CHRM3: variants seen among roughly 807,000 people sequenced by gnomAD.
CHRM3 encodes the protein cholinergic receptor muscarinic 3, also known as muscarinic acetylcholine receptor M3.
A neutral mutation model predicts 41.8 loss-of-function variants in CHRM3; 11 were observed. The observed-to-expected ratio is 0.26, with a 90% CI of 0.17 to 0.44. The LOEUF (loss-of-function observed/expected upper bound fraction) is 0.44, where lower values mean the gene tolerates loss of function less well. Ranked by LOEUF, CHRM3 falls within the 20% of genes least tolerant of loss-of-function variation. The pLI is 1.00. For synonymous variants in CHRM3, 297 were observed against 301.4 expected (o/e 0.99, Z 0.15); for missense variants, 571 against 745.4 (o/e 0.77, Z 2.72).
chr1:239,474,214 A>T (rs1263942385), intron 1 of CHRM3, among the ~76,000 whole-genome samples: 2 of 152,094 alleles, frequency 1.3e-5, no homozygotes, highest in East Asian at 3.8e-4. Flanking sequence ...AAAAGCATTT[A>T]AAAAAATAAC....
chr1:239,644,990 T>G (rs912033912), intron 4 of CHRM3, among the ~76,000 whole-genome samples: 3 of 152,100 alleles, frequency 2.0e-5, no homozygotes, highest in Admixed American at 6.5e-5. Flanking sequence ...AACACCATGC[T>G]CCCTGGTGTT....
At chr1:239,903,328 CCA>C (rs1057272490) in intron 6 of CHRM3, among the ~76,000 whole-genome samples, 6 of 152,126 alleles carry the variant, frequency 3.9e-5, no homozygotes, top group African/African-American at 1.4e-4. Context: ...ATGTGATTAT[CCA>C]CAGAGAGTAA....
At chr1:239,401,252 A>G (rs962319719) in intron 1 of CHRM3, among the ~76,000 whole-genome samples, 1 of 152,128 alleles carries the variant, frequency 6.6e-6, no homozygotes, top group African/African-American at 2.4e-5. Context: ...GCCTGTGGCC[A>G]TTCTCCAGCT....
chr1:239,661,895 CTG>C (rs574280636), intron 4 of CHRM3, among the ~76,000 whole-genome samples: 10 of 151,870 alleles, frequency 6.6e-5, no homozygotes, highest in Non-Finnish European at 1.3e-4. Context: ...ACAAAGGAAA[CTG>C]TGTGTGAGAA....
chr1:239,668,470 G>A (rs1216596035), intron 4 of CHRM3, among the ~76,000 whole-genome samples: 1 of 152,034 alleles, frequency 6.6e-6, no homozygotes. Flanking sequence ...ATTGCTTCCA[G>A]ATACCTTTTA....
intron 1 of CHRM3, among the ~76,000 whole-genome samples, chr1:239,428,675 C>G (rs1030666303): frequency 3.3e-5 from 5 of 152,086 alleles, no homozygotes; most frequent in African/African-American, 1.2e-4. Flanking sequence ...AAAATATTTT[C>G]CCTGTTTTAG....
intron 1 of CHRM3, among the ~76,000 whole-genome samples, chr1:239,452,961 C>T (rs1030298579): frequency 9.9e-5 from 15 of 152,026 alleles, no homozygotes; most frequent in Non-Finnish European, 1.6e-4. Flanking sequence ...CCACCATGCC[C>T]GGCTAATTTT....
chr1:239,679,985 G>C (rs1485042722), intron 5 of CHRM3, among the ~76,000 whole-genome samples: 1 of 151,872 alleles, frequency 6.6e-6, no homozygotes, highest in Non-Finnish European at 1.5e-5. Flanking sequence ...CACCTCTCAG[G>C]GTGGACCGCG....
At chr1:239,650,541 G>A (rs1008075469) in intron 4 of CHRM3, among the ~76,000 whole-genome samples, 1 of 152,218 alleles carries the variant, frequency 6.6e-6, no homozygotes, top group Non-Finnish European at 1.5e-5. Context: ...GGAAGATTGG[G>A]AGAGAGAAAG....
intron 4 of CHRM3, among the ~76,000 whole-genome samples, chr1:239,634,117 C>A (rs1047912665): frequency 6.6e-6 from 1 of 152,162 alleles, no homozygotes; most frequent in Non-Finnish European, 1.5e-5. Context: ...CTGTCAGATG[C>A]TGATCCCTGT....
chr1:239,668,467 C>T (rs1240715489), intron 4 of CHRM3, among the ~76,000 whole-genome samples: 1 of 152,092 alleles, frequency 6.6e-6, no homozygotes, highest in Admixed American at 6.6e-5. Context: ...AGCATTGCTT[C>T]CAGATACCTT....
intron 3 of CHRM3, among the ~76,000 whole-genome samples, chr1:239,566,055 C>T (rs571148817): frequency 1.3e-5 from 2 of 151,600 alleles, no homozygotes; most frequent in Admixed American, 6.6e-5. Context: ...GTTGGGACTA[C>T]AGGCATGTGC....
At chr1:239,465,068 C>A (rs1356023297) in intron 1 of CHRM3, among the ~76,000 whole-genome samples, 2 of 152,040 alleles carry the variant, frequency 1.3e-5, no homozygotes, top group East Asian at 3.9e-4. Flanking sequence ...TAGGGGTCTA[C>A]AAAATTTTCT....
chr1:239,404,410 A>AAAG (rs1660343300), intron 1 of CHRM3, among the ~76,000 whole-genome samples: 25 of 51,766 alleles, frequency 4.8e-4, no homozygotes, highest in East Asian at 3.1e-3. Flanking sequence ...GAAAGAAAGA[A>AAAG]AAAGAAAGAA....
At chr1:239,395,258 C>T (rs923966869) in intron 1 of CHRM3, among the ~76,000 whole-genome samples, 7 of 152,164 alleles carry the variant, frequency 4.6e-5, no homozygotes, top group African/African-American at 1.7e-4. Context: ...GTACCTGCCT[C>T]TGTCTTCACG....
intron 1 of CHRM3, among the ~76,000 whole-genome samples, chr1:239,480,547 T>G (rs1422557284): frequency 3.0e-5 from 3 of 99,862 alleles, no homozygotes; most frequent in Admixed American, 9.1e-5. Flanking sequence ...AGCCCAATTT[T>G]TTTTTTTTTT....
intron 5 of CHRM3, among the ~76,000 whole-genome samples, chr1:239,771,423 A>G (rs1436766973): frequency 6.6e-6 from 1 of 152,184 alleles, no homozygotes; most frequent in Non-Finnish European, 1.5e-5. Flanking sequence ...CAAAAAAGAA[A>G]AAAGAATGGA....
At chr1:239,819,995 A>C (rs1671903558) in intron 5 of CHRM3, among the ~76,000 whole-genome samples, 1 of 152,138 alleles carries the variant, frequency 6.6e-6, no homozygotes, top group Non-Finnish European at 1.5e-5. Flanking sequence ...GGCAGTGAGA[A>C]GGTGGGTGAG....
chr1:239,814,472 G>A (rs191548659), intron 5 of CHRM3, among the ~76,000 whole-genome samples: 1 of 152,224 alleles, frequency 6.6e-6, no homozygotes, highest in East Asian at 1.9e-4. Context: ...AGCTCCCTCT[G>A]CCTCCCAGCC....
Sources: gnomAD v4.1 joint callset for allele counts (sites outside exome capture counted in the v4.1 genomes callset) on GRCh38, gnomAD v4.1.1 for gene constraint, MANE v1.5 for transcripts, NCBI Gene and HGNC (gene_info 2026-07-23, HGNC 2026-07-21) for gene names.